Variants in NRXN2 observed in about 807,000 individuals in gnomAD.
NRXN2 encodes the protein neurexin 2, also known as neurexin-2-beta.
A neutral mutation model predicts 128.8 loss-of-function variants in NRXN2; 29 were observed. That is an observed-to-expected ratio of 0.23 (90% confidence interval 0.17 to 0.31). The LOEUF is 0.31. Ranked by LOEUF, NRXN2 falls within the 10% of genes least tolerant of loss-of-function variation. The probability of loss-of-function intolerance (pLI) is 1.00; values close to 1 mark genes in which losing one functional copy is unlikely to be tolerated. For synonymous variants in NRXN2, 1,098 were observed against 1,075.2 expected, an observed-to-expected ratio of 1.02 and a Z score of -0.41; for missense variants, 1,881 against 2,452.6, an observed-to-expected ratio of 0.77 and a Z score of 4.92.
intron 17 of NRXN2, among the ~76,000 whole-genome samples, chr11:64,636,742 G>C (rs12278771): frequency 1.3e-5 from 2 of 152,096 alleles, no homozygotes; most frequent in Non-Finnish European, 2.9e-5. Context: ...AGCCTGCAGT[G>C]GGGGGCAGGA....
At chr11:64,719,682 G>T (rs2057384118) in intron 1 of NRXN2, among the ~76,000 whole-genome samples, 1 of 152,194 alleles carries the variant, frequency 6.6e-6, no homozygotes. Flanking sequence ...TGGGAGCATG[G>T]AGGTAGGTGG....
At chr11:64,677,261 T>C (rs1402740873) in intron 6 of NRXN2, among the ~76,000 whole-genome samples, 2 of 152,098 alleles carry the variant, frequency 1.3e-5, no homozygotes, top group Non-Finnish European at 2.9e-5. Context: ...TAAATTATAA[T>C]GGGGGGAGGA....
At chr11:64,690,499 T>G (rs749018946) in intron 4 of NRXN2, 23 bp from the exon 5 acceptor site, 1 of 1,603,006 alleles carries the variant, frequency 6.2e-7, no homozygotes, top group East Asian at 2.2e-5. Context: ...AATTGGGGAG[T>G]CAGGCACAGG....
intron 7 of NRXN2, among the ~76,000 whole-genome samples, chr11:64,671,674 CA>C (rs957814336): frequency 1.3e-5 from 2 of 151,972 alleles, no homozygotes; most frequent in Non-Finnish European, 2.9e-5. Context: ...GCGTGCGGGG[CA>C]GGGGCACTGG....
At position 64,713,303 on chromosome 11, in the gene NRXN2, G is replaced by C. The variant is rs2057125564; in HGVS notation, c.397C>G (p.Arg133Gly). 7.3e-7 allele frequency: 1 copy of C among 1,362,202 alleles called. No individual in the cohort carries two copies. Among genetic ancestry groups the C allele is most frequent in the South Asian group, 1.7e-5 (1 of 58,074 alleles). The allele number at this position is 1,362,202 out of a possible 1,614,324, so 84.4% of individuals were successfully genotyped here. A position where few individuals can be genotyped will look rare whatever the true frequency, so the allele number is the denominator to read the frequency against. Residue 133 changes from arginine (R) to glycine (G), a missense_variant, in exon 2 of 23, where the codon CGC (arginine) becomes GGC (glycine). By Grantham distance (125) the Arg-to-Gly change is moderately radical. Around this residue, in one of 7 missense-constraint regions of NRXN2, gnomAD observed 997 missense variants for 1,240.8 expected, o/e 0.80. Transcript: ENST00000265459. ...RTALAVDGEA[R>G]AAEVRSKRRE... ...CGCTTGGAGCGCACCTCGGCGGCGCGGGCCTCGCCGTCCACCGCCAGCGCC... is the reference window on the plus strand; with the variant it reads ...CGCTTGGAGCGCACCTCGGCGGCGCCGGCCTCGCCGTCCACCGCCAGCGCC...
intron 22 of NRXN2, among the ~76,000 whole-genome samples, chr11:64,613,842 A>G (rs2041059374): frequency 6.6e-6 from 1 of 152,234 alleles, no homozygotes; most frequent in Non-Finnish European, 1.5e-5. Flanking sequence ...GAGGCTGGGA[A>G]GATAAAACCC....
chr11:64,623,095 G>T lies in NRXN2; in HGVS notation c.3848-17C>A. The T allele has an allele frequency of 1.3e-6, 2 of 1,588,442 alleles. No homozygotes were observed. Among genetic ancestry groups the T allele is most frequent in the Non-Finnish European group, 8.6e-7 (1 of 1,166,072 alleles). On this transcript the variant is annotated splice_polypyrimidine_tract_variant and intron_variant, in intron 20 of 22. Transcript: ENST00000265459. This position sits in a 1 kb window ranked among gnomAD's most constrained non-coding sequence, Gnocchi z 4.9. The stretch of plus-strand genomic sequence containing the variant: ...GCTGGCGGCCTTGCAGGAGTGGAAG[G>T]GGGTGACAGAGAAGGGGCAGGCAGT...
At chr11:64,709,625 T>C (rs1370992902) in intron 2 of NRXN2, among the ~76,000 whole-genome samples, 1 of 152,154 alleles carries the variant, frequency 6.6e-6, no homozygotes, top group African/African-American at 2.4e-5. Flanking sequence ...CATGTTTTCA[T>C]ATGTACATAC....
chr11:64,636,776 C>T lies in NRXN2; in HGVS notation c.3404-1324G>A, dbSNP rs574254879. ...GAGGGCCTGCAGCACTTCTAAGGAG[C>T]AGGCCTTGCCAGCAGCCAAGGAGGT... is the stretch of plus-strand genomic sequence containing the variant. On this transcript the variant is annotated intron_variant, in intron 17 of 22. Coordinates refer to ENST00000265459, the MANE Select transcript of NRXN2 (RefSeq NM_015080.4). 2.0e-5 allele frequency among the ~76,000 whole-genome samples: 3 copies of T among 151,820 alleles called. No individual in the cohort carries two copies. The East Asian group carries it at 5.9e-4, about 30-fold the overall frequency.
chr11:64,609,010 C>T (rs972823230), intron 22 of NRXN2, among the ~76,000 whole-genome samples: 2 of 152,030 alleles, frequency 1.3e-5, no homozygotes, highest in Non-Finnish European at 2.9e-5. Flanking sequence ...GGAGGCGAGA[C>T]ATCGAAAGTG....
At chr11:64,715,462 G>A (rs2057272846) in intron 1 of NRXN2, among the ~76,000 whole-genome samples, 1 of 152,188 alleles carries the variant, frequency 6.6e-6, no homozygotes, top group Non-Finnish European at 1.5e-5. Context: ...GGGGAAGGCT[G>A]CAGAGGTGCA....
At chr11:64,707,280 A>G (rs2957564) in intron 2 of NRXN2, among the ~76,000 whole-genome samples, 49,830 of 151,552 alleles carry the variant, frequency 0.33, 10,531 homozygotes, top group African/African-American at 0.6. Context: ...CCAGCTACTC[A>G]GGAGGACGAG....
chr11:64,671,103 C>T (rs888617249), intron 7 of NRXN2, among the ~76,000 whole-genome samples: 1 of 152,172 alleles, frequency 6.6e-6, no homozygotes, highest in African/African-American at 2.4e-5. Flanking sequence ...CTCACCTTAC[C>T]CCCTTGGGCT....
At chr11:64,676,887 A>C in intron 7 of NRXN2, 106 bp downstream of exon 7, 1 of 923,182 alleles carries the variant, frequency 1.1e-6, no homozygotes, top group Middle Eastern at 2.1e-4. Flanking sequence ...TGGAAGAGCA[A>C]AACAACCAAA....
intron 2 of NRXN2, among the ~76,000 whole-genome samples, chr11:64,711,470 G>A (rs1349789752): frequency 6.6e-6 from 1 of 152,072 alleles, no homozygotes; most frequent in Non-Finnish European, 1.5e-5. Flanking sequence ...TCCTCCCAGT[G>A]CTTCCTCTCC....
intron 11 of NRXN2, among the ~76,000 whole-genome samples, chr11:64,654,865 G>A (rs1163842913): frequency 6.6e-6 from 1 of 152,208 alleles, no homozygotes; most frequent in East Asian, 1.9e-4. Context: ...AACTCACTGT[G>A]TGACCCTGGG....
intron 21 of NRXN2, 70 bp from the exon 22 acceptor site, chr11:64,620,442 TGAG>T: frequency 8.0e-7 from 1 of 1,244,482 alleles, no homozygotes; most frequent in Non-Finnish European, 1.1e-6. Context: ...AGCTGCCACT[TGAG>T]GTGCACGGTG....
intron 1 of NRXN2, among the ~76,000 whole-genome samples, chr11:64,720,712 C>A (rs1375572783): frequency 2.0e-5 from 3 of 152,192 alleles, no homozygotes; most frequent in Non-Finnish European, 4.4e-5. Flanking sequence ...ACACAAAGGC[C>A]TGGGGCAAGG....
rs2285340 is a variant in NRXN2, at chr11:64,668,434, C to A, written c.1359+9G>T. The A allele has an allele frequency of 1.1e-4, 184 of 1,613,426 alleles. No homozygotes were observed. Among genetic ancestry groups the A allele is most frequent in the Middle Eastern group, 1.0e-3 (6 of 5,976 alleles). On this transcript the variant is annotated intron_variant, in intron 8 of 22. Coordinates refer to ENST00000265459, the MANE Select transcript of NRXN2 (RefSeq NM_015080.4). ...GAACAGCCTGCAGCCCCTCCCTAGC[C>A]CTACTCACGTCCTTGAGGCAGCCCA...
Sources: allele counts gnomAD v4.1 joint callset (sites outside exome capture counted in the v4.1 genomes callset), GRCh38; gene constraint gnomAD v4.1.1; regional missense constraint gnomAD v4.1.1; non-coding constraint Gnocchi (gnomAD v3.1); transcripts MANE v1.5; gene names NCBI Gene and HGNC (gene_info 2026-07-23, HGNC 2026-07-21).